GRID1: variants seen among roughly 807,000 people sequenced by gnomAD.
GRID1 encodes the protein glutamate ionotropic receptor delta type subunit 1.
In GRID1, 28 loss-of-function variants were observed where a neutral mutation model predicts 98.0. That is an observed-to-expected ratio of 0.29 (90% CI 0.21 to 0.39). The LOEUF (loss-of-function observed/expected upper bound fraction) is 0.39. GRID1 is among the 10% of genes least tolerant of loss of function. The pLI, the probability that GRID1 is intolerant of heterozygous loss-of-function variation, is 1.00. For missense variants in GRID1, 1,111 were observed against 1,340.5 expected, an observed-to-expected ratio of 0.83 and a Z score of 2.67; for synonymous variants, 553 against 538.5, an observed-to-expected ratio of 1.03 and a Z score of -0.37.
chr10:85,607,343 C>A (rs1188519671), intron 15 of GRID1: 1 of 152,208 alleles, frequency 6.6e-6, no homozygotes, highest in African/African-American at 2.4e-5. Flanking sequence ...GAACTTCCCC[C>A]TGACTGAGCT....
At chr10:85,880,832 T>A (rs1840996962) in intron 5 of GRID1, among the ~76,000 whole-genome samples, 2 of 152,174 alleles carry the variant, frequency 1.3e-5, no homozygotes, top group South Asian at 4.1e-4. Context: ...TAAGTCAAAT[T>A]GTCCCTGTTT....
chr10:86,072,223 T>A (rs1390877985), intron 4 of GRID1, among the ~76,000 whole-genome samples: 2 of 152,084 alleles, frequency 1.3e-5, no homozygotes, highest in African/African-American at 4.8e-5. Context: ...CTGGCAACAA[T>A]CCATACCTCA....
chr10:85,885,335 C>T lies in GRID1; in HGVS notation c.781-16155G>A, dbSNP rs931388178. Among the ~76,000 whole-genome samples the T allele has an allele frequency of 6.6e-5, 10 of 152,182 alleles. 1 individual carries two copies. Among genetic ancestry groups the T allele is most frequent in the Admixed American group, 3.9e-4 (6 of 15,274 alleles). ...ATGTGATTTCCCCTGTTCAGAGGAA[C>T]ATGTATATTCAGCCAGGGTATATGG... On this transcript the variant is annotated intron_variant, in intron 5 of 15. Coordinates refer to ENST00000327946, the MANE Select transcript of GRID1 (RefSeq NM_017551.3).
chr10:86,169,345 G>T (rs564183684), intron 3 of GRID1, among the ~76,000 whole-genome samples: 1 of 147,452 alleles, frequency 6.8e-6, no homozygotes, highest in Admixed American at 6.7e-5. Flanking sequence ...TGGCTCTCTG[G>T]AAGTAAATAA....
intron 13 of GRID1, among the ~76,000 whole-genome samples, chr10:85,633,626 G>C (rs1842999634): frequency 6.6e-6 from 1 of 152,132 alleles, no homozygotes; most frequent in Non-Finnish European, 1.5e-5. Flanking sequence ...TCATGTGCTG[G>C]GAGACTGTCT....
chr10:86,348,998 C>T lies in GRID1; in HGVS notation c.235+14943G>A, dbSNP rs79316173. 1.6e-3 allele frequency among the ~76,000 whole-genome samples: 242 copies of T among 152,344 alleles called. 1 individual carries two copies. Among genetic ancestry groups the T allele is most frequent in the East Asian group, 0.015 (76 of 5,186 alleles). ...TCCAGCTCCTGCTTCCTCAGAGGCC[C>T]GCGTGGTGGCAGCAGTGGCTGCTGG... On this transcript the variant is annotated intron_variant, in intron 2 of 15. Transcript: ENST00000327946.
At chr10:86,306,234 GC>G (rs1380569153) in intron 2 of GRID1, among the ~76,000 whole-genome samples, 2 of 152,180 alleles carry the variant, frequency 1.3e-5, no homozygotes, top group African/African-American at 4.8e-5. Flanking sequence ...TAGCTTGGGA[GC>G]CCCTCATGCT....
chr10:86,365,457 TC>T lies in GRID1; in HGVS notation c.79+856del, dbSNP rs1490157822. On this transcript the variant is annotated intron_variant, in intron 1 of 15. Coordinates refer to ENST00000327946, the MANE Select transcript of GRID1 (RefSeq NM_017551.3). The surrounding 1 kb of genome is among the most constrained non-coding windows in gnomAD (Gnocchi z 4.8). ...ACCCACTCCCCCTCGGCGCGCCCAC[TC>T]CCCCTCGGCGCGCCCCCTCCTCCTC... Among the ~76,000 whole-genome samples the T allele has an allele frequency of 1.6e-5, 2 of 122,048 alleles. No homozygotes were observed. The highest frequency in any genetic ancestry group is 3.5e-5 in the Non-Finnish European group (2 of 57,318). 80.1% of individuals were successfully genotyped at this position (122,048 alleles called of 152,430 possible).
At chr10:86,037,935 G>A (rs1843291273) in intron 4 of GRID1, among the ~76,000 whole-genome samples, 1 of 152,122 alleles carries the variant, frequency 6.6e-6, no homozygotes, top group Non-Finnish European at 1.5e-5. Flanking sequence ...TGTATATGGA[G>A]ATAGGATCTT....
At chr10:85,830,057 T>C (rs1213840384) in intron 8 of GRID1, among the ~76,000 whole-genome samples, 2 of 152,152 alleles carry the variant, frequency 1.3e-5, no homozygotes, top group African/African-American at 4.8e-5. Flanking sequence ...GACTTCAAAC[T>C]ATACTACAAG....
chr10:86,014,939 A>G (rs991486110), intron 4 of GRID1, among the ~76,000 whole-genome samples: 3 of 152,118 alleles, frequency 2.0e-5, no homozygotes, highest in African/African-American at 7.2e-5. Flanking sequence ...TGCCAGGAGC[A>G]CCCTTTCTTG....
chr10:86,344,828 T>G (rs1848359753), intron 2 of GRID1, among the ~76,000 whole-genome samples: 1 of 152,090 alleles, frequency 6.6e-6, no homozygotes, highest in South Asian at 2.1e-4. Context: ...TCATCTCTGC[T>G]CAGCAGGGGG....
intron 8 of GRID1, among the ~76,000 whole-genome samples, chr10:85,760,998 C>A (rs1409333129): frequency 1.3e-5 from 2 of 152,172 alleles, no homozygotes; most frequent in African/African-American, 4.8e-5. Context: ...CCAATAACAG[C>A]ACCTCTAACC....
intron 8 of GRID1, among the ~76,000 whole-genome samples, chr10:85,741,966 G>A (rs1841948368): frequency 6.6e-6 from 1 of 152,120 alleles, no homozygotes; most frequent in Non-Finnish European, 1.5e-5. Flanking sequence ...CTCATCTGGT[G>A]GGTCTTGCCT....
At chr10:86,080,165 C>A (rs1404882999) in intron 4 of GRID1, among the ~76,000 whole-genome samples, 1 of 151,822 alleles carries the variant, frequency 6.6e-6, no homozygotes, top group African/African-American at 2.4e-5. Context: ...GAAACCCCGT[C>A]TCTACTAAAA....
rs1019899784 is a variant in GRID1 at position 86,296,830 on chromosome 10, C to A, written c.235+67111G>T. 3.9e-5 allele frequency among the ~76,000 whole-genome samples: 5 copies of A among 129,364 alleles called. No individual in the cohort carries two copies. The East Asian group carries it at 1.1e-3, about 28-fold the overall frequency. The allele number at this position is 129,364 out of a possible 152,430, so 84.9% of individuals were successfully genotyped here. On this transcript the variant is annotated intron_variant, in intron 2 of 15. Coordinates refer to ENST00000327946, the MANE Select transcript of GRID1 (RefSeq NM_017551.3). ...ACATACATACATACATACATACATA[C>A]ATAAAAATGATTATTCTACTGTATT...
intron 4 of GRID1, among the ~76,000 whole-genome samples, chr10:86,068,267 C>T (rs897452970): frequency 3.3e-5 from 5 of 152,250 alleles, no homozygotes; most frequent in South Asian, 4.1e-4. Context: ...TTGCATGTCA[C>T]CACGTTACTT....
At chr10:86,283,539 ACACACC>A (rs2132069486) in intron 2 of GRID1, among the ~76,000 whole-genome samples, 1 of 115,500 alleles carries the variant, frequency 8.7e-6, no homozygotes, top group South Asian at 2.9e-4. Flanking sequence ...ACACACACAC[ACACACC>A]TGCCCTTACA....
rs1323575429 is a variant in GRID1 at position 86,365,792 on chromosome 10, G to A, written c.79+522C>T. Among the ~76,000 whole-genome samples the A allele has an allele frequency of 1.3e-5, 2 of 152,008 alleles. No individual in the cohort carries two copies. Among genetic ancestry groups the A allele is most frequent in the African/African-American group, 4.8e-5 (2 of 41,404 alleles). ...GCACGCACCAACACACGCTCAGATG[G>A]CCCCACACACCCCAACACCCTCTCA... On this transcript the variant is annotated intron_variant, in intron 1 of 15. Coordinates refer to ENST00000327946, the MANE Select transcript of GRID1 (RefSeq NM_017551.3). This position sits in a 1 kb window ranked among gnomAD's most constrained non-coding sequence, Gnocchi z 4.8.
Sources: allele counts gnomAD v4.1 joint callset (sites outside exome capture counted in the v4.1 genomes callset), GRCh38; gene constraint gnomAD v4.1.1; non-coding constraint Gnocchi (gnomAD v3.1); transcripts MANE v1.5; gene names NCBI Gene and HGNC (gene_info 2026-07-23, HGNC 2026-07-21).